PCDHGA3: variants seen among roughly 807,000 people sequenced by gnomAD.
PCDHGA3 encodes the protein protocadherin gamma subfamily A, 3.
Under a neutral mutation model 58.5 loss-of-function variants are expected in PCDHGA3, and 40 were observed. That is an observed-to-expected ratio of 0.68 (90% CI 0.53 to 0.89). The LOEUF (loss-of-function observed/expected upper bound fraction) is 0.89, where lower values mean the gene tolerates loss of function less well. Ranked by LOEUF, PCDHGA3 falls within the 40% of genes least tolerant of loss-of-function variation. The pLI, the probability that PCDHGA3 is intolerant of heterozygous loss-of-function variation, is 0.00. For synonymous variants in PCDHGA3, 530 were observed against 525.7 expected (o/e 1.01, Z -0.11); for missense variants, 1,223 against 1,195.9 (o/e 1.02, Z -0.33).
intron 1 of PCDHGA3, among the ~76,000 whole-genome samples, chr5:141,381,364 G>T (rs1777146369): frequency 6.6e-6 from 1 of 152,216 alleles, no homozygotes; most frequent in Non-Finnish European, 1.5e-5. Context: ...GCAGAGGGTA[G>T]CCTCGGATCC....
intron 1 of PCDHGA3, chr5:141,478,142 G>A: frequency 3.7e-6 from 6 of 1,613,988 alleles, no homozygotes; most frequent in Non-Finnish European, 4.2e-6. Flanking sequence ...AGCCCGAGCC[G>A]AGTTCCCCTC....
At chr5:141,501,298 C>T (rs998006748) in intron 2 of PCDHGA3, among the ~76,000 whole-genome samples, 216 of 148,422 alleles carry the variant, frequency 1.5e-3, no homozygotes, top group Admixed American at 2.4e-3. Context: ...TATACACACA[C>T]ACACACACAC....
rs934044974 is a variant in PCDHGA3, at chr5:141,476,034, C to T, written c.2425-18773C>T. 3 of 1,464,488 alleles carry T rather than the reference C, an allele frequency of 2.0e-6. No individual in the cohort carries two copies. The highest frequency in any genetic ancestry group is 2.3e-5 in the Admixed American group (1 of 44,364). The allele number at this position is 1,464,488 out of a possible 1,614,324, so 90.7% of individuals were successfully genotyped here. A position where few individuals can be genotyped will look rare whatever the true frequency, so the allele number is the denominator to read the frequency against. On this transcript the variant is annotated intron_variant, in intron 1 of 3. Transcript: ENST00000253812. The surrounding 1 kb of genome is among the most constrained non-coding windows in gnomAD (Gnocchi z 7.6). ...CCATGTCGGACTCGGCGCCCAGCGC[C>T]CAAGCGCTAACCCGCTGAAAGTTTC...
chr5:141,403,100 A>G (rs1295654527), intron 1 of PCDHGA3: 5 of 1,613,992 alleles, frequency 3.1e-6, no homozygotes, highest in Non-Finnish European at 4.2e-6. Flanking sequence ...CAACATCTCC[A>G]AGGACCTGGC....
chr5:141,434,474 A>G (rs979175338), intron 1 of PCDHGA3, among the ~76,000 whole-genome samples: 2 of 152,222 alleles, frequency 1.3e-5, no homozygotes, highest in Non-Finnish European at 2.9e-5. Context: ...GAATGAGGGC[A>G]AGGAACACCT....
At chr5:141,467,597 A>T (rs2099147099) in intron 1 of PCDHGA3, among the ~76,000 whole-genome samples, 1 of 152,136 alleles carries the variant, frequency 6.6e-6, no homozygotes, top group Non-Finnish European at 1.5e-5. Flanking sequence ...TTTATTAAGC[A>T]CTTCATCTTT....
At chr5:141,441,127 G>A (rs1224106490) in intron 1 of PCDHGA3, 2 of 152,138 alleles carry the variant, frequency 1.3e-5, no homozygotes, top group African/African-American at 2.4e-5. Context: ...AGTTGAGACC[G>A]AATTTCTAGA....
chr5:141,399,894 C>G lies in PCDHGA3; in HGVS notation c.2424+53437C>G, dbSNP rs201911174. ...GCTACCTGGTGACCAAGGTAGTGGC[C>G]GTGGACGCAGACTCAGGACACAACG... On this transcript the variant is annotated intron_variant, in intron 1 of 3. Transcript: ENST00000253812. 9.2e-4 allele frequency: 1,477 copies of G among 1,612,556 alleles called. 21 individuals carry two copies. In the South Asian group the frequency reaches 0.015, roughly 17 times the overall value.
At chr5:141,418,755 G>A (rs1489556538) in intron 1 of PCDHGA3, 8 of 1,613,898 alleles carry the variant, frequency 5.0e-6, no homozygotes, top group South Asian at 1.1e-5. Context: ...TACACTACAG[G>A]AAACATTCTA....
chr5:141,508,737 C>A (rs919094477), intron 3 of PCDHGA3, among the ~76,000 whole-genome samples: 8 of 152,010 alleles, frequency 5.3e-5, no homozygotes, highest in Non-Finnish European at 1.2e-4. Flanking sequence ...CTACACCCCC[C>A]ACCCCGCTCT....
chr5:141,427,810 G>A (rs2097074260), intron 1 of PCDHGA3: 1 of 1,523,990 alleles, frequency 6.6e-7, no homozygotes, highest in Non-Finnish European at 9.0e-7. Flanking sequence ...AGCGCACAGA[G>A]CGGGGTGGTG....
intron 1 of PCDHGA3, chr5:141,366,446 G>T: frequency 6.2e-7 from 1 of 1,614,178 alleles, no homozygotes; most frequent in South Asian, 1.1e-5. Context: ...CGTCTTCCTG[G>T]CCTTCGTCAT....
In PCDHGA3 at chr5:141,431,584, G is replaced by C. The variant is rs201462681; in HGVS notation, c.2425-63223G>C. 5.0e-6 allele frequency: 8 copies of C among 1,614,192 alleles called. No individual in the cohort carries two copies. The Admixed American group carries it at 1.3e-4, about 27-fold the overall frequency. ...CCGACCCTGACGAAGGAGTCAATGC[G>C]GAAGTGAGGTATTCCTTCCGGTATG... On this transcript the variant is annotated intron_variant, in intron 1 of 3. Transcript: ENST00000253812. This position sits in a 1 kb window ranked among gnomAD's most constrained non-coding sequence, Gnocchi z 4.8.
Position 141,361,665 on chromosome 5 carries a change from G to A in PCDHGA3, c.2424+15208G>A, listed in dbSNP as rs368441959. 2.6e-4 allele frequency: 414 copies of A among 1,613,696 alleles called. 2 individuals are homozygous for A. In the African/African-American group the frequency reaches 4.6e-3, roughly 18 times the overall value. ...TATCCTACGTGTCCGTGAGCGCGCA[G>A]AGCGGGGTGGTGTTCGCGCAGCGCG... On this transcript the variant is annotated intron_variant, in intron 1 of 3. Transcript: ENST00000253812.
intron 1 of PCDHGA3, chr5:141,364,687 A>C: frequency 6.2e-7 from 1 of 1,614,004 alleles, no homozygotes; most frequent in Non-Finnish European, 8.5e-7. Flanking sequence ...TTTATGGAGT[A>C]GAAGTAGAAA....
chr5:141,490,544 A>G lies in PCDHGA3; in HGVS notation c.2425-4263A>G. 6.2e-7 allele frequency: 1 copy of G among 1,614,120 alleles called. No individual in the cohort carries two copies. Among genetic ancestry groups the G allele is most frequent in the Non-Finnish European group, 8.5e-7 (1 of 1,180,028 alleles). ...AGCGATGCTGGTTCACCTTCCCTAC[A>G]CAAACATCTCACCATCAGGCTCAAC... On this transcript the variant is annotated intron_variant, in intron 1 of 3. Transcript: ENST00000253812. This position sits in a 1 kb window ranked among gnomAD's most constrained non-coding sequence, Gnocchi z 5.4.
intron 1 of PCDHGA3, among the ~76,000 whole-genome samples, chr5:141,435,946 A>C (rs953432473): frequency 6.6e-6 from 1 of 152,174 alleles, no homozygotes; most frequent in Non-Finnish European, 1.5e-5. Flanking sequence ...CTGAGACCAA[A>C]AAAGGGGGCA....
rs755324481 is a variant in PCDHGA3 at position 141,344,024 on chromosome 5, C to A, written c.-10C>A. ...ACCGAATTCAGAGAAAGCGATTCAC[C>A]GAAAAGGAAATGACCAATTGCCTGA... On this transcript the variant is annotated 5_prime_UTR_variant, in exon 1 of 4. Coordinates refer to ENST00000253812, the MANE Select transcript of PCDHGA3 (RefSeq NM_018916.4). The A allele has an allele frequency of 6.6e-7, 1 of 1,524,874 alleles. No homozygotes were observed. Among genetic ancestry groups the A allele is most frequent in the South Asian group, 1.3e-5 (1 of 75,314 alleles). The allele number at this position is 1,524,874 out of a possible 1,614,324, so 94.5% of individuals were successfully genotyped here.
In PCDHGA3 at chr5:141,400,300, C is replaced by A. The variant is rs1267834290; in HGVS notation, c.2424+53843C>A. The stretch of plus-strand genomic sequence containing the variant: ...CCCTGCCGCCTGGAGCTGCTTCCAA[C>A]CTGGTCTCTGTGTCAAGTCTGGACC... On this transcript the variant is annotated intron_variant, in intron 1 of 3. Transcript: ENST00000253812. 6.8e-6 allele frequency: 11 copies of A among 1,613,966 alleles called. No individual in the cohort carries two copies. The African/African-American group carries it at 1.3e-4, about 20-fold the overall frequency.
Sources: gnomAD v4.1 joint callset for allele counts (sites outside exome capture counted in the v4.1 genomes callset) on GRCh38, gnomAD v4.1.1 for gene constraint, Gnocchi (gnomAD v3.1) non-coding constraint, MANE v1.5 for transcripts, NCBI Gene and HGNC (gene_info 2026-07-23, HGNC 2026-07-21) for gene names.